Variants in ACTL8 observed in about 807,000 individuals in gnomAD.
ACTL8 encodes actin-like protein 8.
A neutral mutation model predicts 9.3 loss-of-function variants in ACTL8; 3 were observed. The ratio of observed to expected loss-of-function variants is 0.32; its 90% CI spans 0.15 to 0.83. The LOEUF is 0.83. Ranked by LOEUF, ACTL8 falls within the 40% of genes least tolerant of loss-of-function variation. ACTL8 has a pLI of 0.57. For missense variants in ACTL8, 381 were observed against 492.2 expected (o/e 0.77, Z 2.14); for synonymous variants, 224 against 205.9 (o/e 1.09, Z -0.75).
At chr1:17,777,238 G>T (rs1185856024) in intron 1 of ACTL8, among the ~76,000 whole-genome samples, 1 of 151,990 alleles carries the variant, frequency 6.6e-6, no homozygotes, top group African/African-American at 2.4e-5. Context: ...GAAAGTCCAA[G>T]GTCCCACATC....
At chr1:17,798,541 G>A (rs1180127345) in intron 1 of ACTL8, among the ~76,000 whole-genome samples, 4 of 152,206 alleles carry the variant, frequency 2.6e-5, no homozygotes, top group Non-Finnish European at 5.9e-5. Flanking sequence ...AAGGACCAGA[G>A]AGTTTTCTTG....
At chr1:17,813,423 C>T (rs1203208216) in intron 1 of ACTL8, among the ~76,000 whole-genome samples, 2 of 152,134 alleles carry the variant, frequency 1.3e-5, no homozygotes, top group Non-Finnish European at 2.9e-5. Context: ...GTCTGTTACT[C>T]GTTTGAATCA....
At chr1:17,819,555 G>C (rs1288577113) in intron 1 of ACTL8, among the ~76,000 whole-genome samples, 1 of 152,186 alleles carries the variant, frequency 6.6e-6, no homozygotes, top group East Asian at 1.9e-4. Flanking sequence ...CTGGGGGAGC[G>C]ACAGCCCCAG....
At chr1:17,784,336 C>T (rs145733216) in intron 1 of ACTL8, among the ~76,000 whole-genome samples, 109 of 152,282 alleles carry the variant, frequency 7.2e-4, no homozygotes, top group East Asian at 3.5e-3. Context: ...CAGTCACCTC[C>T]CACCAGGTCC....
chr1:17,799,861 G>A (rs928787240), intron 1 of ACTL8, among the ~76,000 whole-genome samples: 4 of 124,122 alleles, frequency 3.2e-5, no homozygotes, highest in Admixed American at 9.9e-5. Context: ...TTTTTCCTCC[G>A]GTTTCAGGAA....
chr1:17,777,285 C>T (rs1389156668), intron 1 of ACTL8, among the ~76,000 whole-genome samples: 1 of 152,148 alleles, frequency 6.6e-6, no homozygotes, highest in African/African-American at 2.4e-5. Flanking sequence ...CCCCGGAGCG[C>T]CACCTGGTTG....
At chr1:17,780,378 G>T (rs1043635482) in intron 1 of ACTL8, among the ~76,000 whole-genome samples, 2 of 152,188 alleles carry the variant, frequency 1.3e-5, no homozygotes, top group Non-Finnish European at 2.9e-5. Flanking sequence ...GGAGTCTGCG[G>T]AGGGGCTGTA....
Position 17,767,152 on chromosome 1 carries a change from A to G in ACTL8, c.-25+11648A>G, listed in dbSNP as rs1390949306. ...AGCGAGACGGGTGAGCATCATGAAG[A>G]AGGGGTTCCAGGCAGAGAGCAGCGT... On this transcript the variant is annotated intron_variant, in intron 1 of 2. Transcript: ENST00000375406. The surrounding 1 kb of genome is among the most constrained non-coding windows in gnomAD (Gnocchi z 4.7). Among the ~76,000 whole-genome samples, 1 of 152,114 alleles carries G rather than the reference A, an allele frequency of 6.6e-6. No homozygotes were observed. The highest frequency in any genetic ancestry group is 1.5e-5 in the Non-Finnish European group (1 of 68,022).
chr1:17,764,782 C>G (rs760018198), intron 1 of ACTL8, among the ~76,000 whole-genome samples: 5 of 152,208 alleles, frequency 3.3e-5, no homozygotes, highest in Non-Finnish European at 5.9e-5. Flanking sequence ...TGCCTGGCTC[C>G]CCGGGGGAGT....
chr1:17,766,281 A>G (rs973172979), intron 1 of ACTL8, among the ~76,000 whole-genome samples: 8 of 152,132 alleles, frequency 5.3e-5, no homozygotes, highest in African/African-American at 1.7e-4. Context: ...CCCTGATCCA[A>G]TCTGGAGCCT....
At chr1:17,807,688 T>C (rs1190887903) in intron 1 of ACTL8, among the ~76,000 whole-genome samples, 8 of 152,160 alleles carry the variant, frequency 5.3e-5, no homozygotes, top group Non-Finnish European at 7.4e-5. Context: ...GTTCATGTCC[T>C]TTGCAGGGAC....
chr1:17,806,655 G>A (rs2066361797), intron 1 of ACTL8, among the ~76,000 whole-genome samples: 2 of 152,238 alleles, frequency 1.3e-5, no homozygotes, highest in Non-Finnish European at 2.9e-5. Context: ...GTCACACCTT[G>A]TAGCCAGACA....
chr1:17,811,806 T>C (rs544616670), intron 1 of ACTL8, among the ~76,000 whole-genome samples: 1 of 152,292 alleles, frequency 6.6e-6, no homozygotes, highest in East Asian at 1.9e-4. Context: ...TCTGTTCTTT[T>C]CTACTGATCC....
intron 1 of ACTL8, among the ~76,000 whole-genome samples, chr1:17,813,799 A>G (rs1364546796): frequency 1.3e-5 from 2 of 152,240 alleles, no homozygotes; most frequent in Non-Finnish European, 2.9e-5. Context: ...TCTAATAGTT[A>G]TATGGCTATT....
At chr1:17,760,430 G>C (rs1245384533) in intron 1 of ACTL8, among the ~76,000 whole-genome samples, 1 of 152,150 alleles carries the variant, frequency 6.6e-6, no homozygotes, top group Non-Finnish European at 1.5e-5. Flanking sequence ...GCATAGGATC[G>C]TTGGCAGGAC....
chr1:17,784,038 T>TC (rs1441781375), intron 1 of ACTL8, among the ~76,000 whole-genome samples: 1 of 152,230 alleles, frequency 6.6e-6, no homozygotes, highest in Non-Finnish European at 1.5e-5. Context: ...ATCGTATTAG[T>TC]CCATTTTCAT....
intron 1 of ACTL8, among the ~76,000 whole-genome samples, chr1:17,815,166 G>A (rs2066418639): frequency 6.6e-6 from 1 of 152,320 alleles, no homozygotes; most frequent in Admixed American, 6.5e-5. Context: ...GTAAGTAGTA[G>A]GCTATACCAT....
intron 1 of ACTL8, among the ~76,000 whole-genome samples, chr1:17,777,756 T>C (rs1324802534): frequency 6.6e-6 from 1 of 152,228 alleles, no homozygotes; most frequent in Non-Finnish European, 1.5e-5. Context: ...TGGAGTGCAG[T>C]GGTGCAATCT....
chr1:17,798,194 T>G lies in ACTL8; in HGVS notation c.-24-24791T>G, dbSNP rs559827694. 4.4e-5 allele frequency among the ~76,000 whole-genome samples: 5 copies of G among 112,560 alleles called. No homozygotes were observed. The South Asian group carries it at 1.1e-3, about 25-fold the overall frequency. 73.8% of individuals were successfully genotyped at this position (112,560 alleles called of 152,430 possible). On this transcript the variant is annotated intron_variant, in intron 1 of 2. Coordinates refer to ENST00000375406, the MANE Select transcript of ACTL8 (RefSeq NM_030812.3). ...CATCAGTCCCGGCTCTGCCTTCCCT[T>G]TTCCTGAAATATGCAGTGGGAGTGC...
Sources: allele counts gnomAD v4.1 joint callset (sites outside exome capture counted in the v4.1 genomes callset), GRCh38; gene constraint gnomAD v4.1.1; non-coding constraint Gnocchi (gnomAD v3.1); transcripts MANE v1.5; gene names NCBI Gene and HGNC (gene_info 2026-07-23, HGNC 2026-07-21).